PJA1: variants seen among roughly 807,000 people sequenced by gnomAD.
PJA1 encodes the protein E3 ubiquitin-protein ligase Praja-1.
PJA1 carries 5 observed loss-of-function variants against 14.1 expected under a neutral mutation model. That is an observed-to-expected ratio of 0.35 (90% CI 0.18 to 0.74). PJA1 has a LOEUF of 0.74. Among genes scored for constraint, PJA1 ranks in the 30% least tolerant of loss-of-function variants. PJA1 has a pLI of 0.56. For missense variants in PJA1, 394 were observed against 482.6 expected, an observed-to-expected ratio of 0.82 and a Z score of 1.72; for synonymous variants, 174 against 190.9, an observed-to-expected ratio of 0.91 and a Z score of 0.73.
In PJA1 at chrX:69,161,518, A is replaced by G. The variant is rs746327146; in HGVS notation, c.1556T>C (p.Ile519Thr). Residue 519 changes from isoleucine (I) to threonine (T), a missense_variant, in exon 2 of 2, where the codon ATT becomes ACT. Physicochemically the swap from Ile to Thr is moderately conservative, Grantham distance 89 (BLOSUM62 -1). Around this residue, in one of 2 missense-constraint regions of PJA1, gnomAD observed 378 missense variants for 439.3 expected, o/e 0.86. Coordinates refer to ENST00000374571, the MANE Select transcript of PJA1 (RefSeq NM_001032396.4). ...GACCAGGATCTCGGGAAGAGCGTCAATGCTCTCCTTGCTTGCTGGTGGATT... is the reference window on the plus strand; with the variant it reads ...GACCAGGATCTCGGGAAGAGCGTCAGTGCTCTCCTTGCTTGCTGGTGGATT... ...VANPPASKESIDALPEILVTE... is the reference protein window; with the variant it reads ...VANPPASKESTDALPEILVTE... 116 of 1,209,040 alleles carry G rather than the reference A, an allele frequency of 9.6e-5. No homozygotes were observed. The highest frequency in any genetic ancestry group is 3.5e-4 in the South Asian group (20 of 56,718).
At chrX:69,163,440 G>T in intron 1 of PJA1, 1 of 420,496 alleles carries the variant, frequency 2.4e-6, no homozygotes, top group Non-Finnish European at 4.1e-6. Flanking sequence ...GCCTGGAGTA[G>T]CATTCCAGTG....
At position 69,161,267 on chromosome X, in the gene PJA1, T is replaced by TG. The variant is rs1192739926; in HGVS notation, c.*39dup. On this transcript the variant is annotated 3_prime_UTR_variant, in exon 2 of 2. Coordinates refer to ENST00000374571, the MANE Select transcript of PJA1 (RefSeq NM_001032396.4). ...CTCCTGCAGTATTGTGGATTTCAGATGGGGAAAATAATCAGACCAGGAGTA... is the reference window on the plus strand; with the variant it reads ...CTCCTGCAGTATTGTGGATTTCAGATGGGGGAAAATAATCAGACCAGGAGTA... 9.9e-6 allele frequency: 11 copies of TG among 1,114,278 alleles called. No homozygotes were observed. The highest frequency in any genetic ancestry group is 1.2e-5 in the Non-Finnish European group (10 of 848,136). The allele number at this position is 1,114,278 out of a possible 1,213,427, so 91.8% of individuals were successfully genotyped here. A position where few individuals can be genotyped will look rare whatever the true frequency, so the allele number is the denominator to read the frequency against.
intron 1 of PJA1, among the ~76,000 whole-genome samples, chrX:69,164,639 C>T (rs891309090): frequency 2.0e-5 from 2 of 101,086 alleles, no homozygotes; most frequent in Non-Finnish European, 4.0e-5. Context: ...CGTGTGCCTG[C>T]GCATGCGCGG....
intron 1 of PJA1, chrX:69,163,449 T>C (rs1383836389): frequency 2.4e-6 from 1 of 418,975 alleles, no homozygotes; most frequent in Non-Finnish European, 4.2e-6. Flanking sequence ...AGCATTCCAG[T>C]GACTGTCAGG....
intron 1 of PJA1, among the ~76,000 whole-genome samples, chrX:69,164,277 G>A (rs1925185558): frequency 9.2e-6 from 1 of 109,170 alleles, no homozygotes; most frequent in Admixed American, 9.7e-5. Context: ...GGATTTATGT[G>A]AGTGCGAGTG....
At chrX:69,165,161 C>T (rs1199574927) in intron 1 of PJA1, among the ~76,000 whole-genome samples, 3 of 111,390 alleles carry the variant, frequency 2.7e-5, no homozygotes, top group Non-Finnish European at 5.7e-5. Flanking sequence ...GAAGATGTGG[C>T]CCCAGAACAG....
Position 69,161,411 on chromosome X carries a change from C to T in PJA1, c.1663G>A (p.Glu555Lys). Reference sequence around the variant, plus strand: ...TGGAAATAGTGGTGGCACGGCAGCTCAGTTGCCACCTCCCCCTTCACATAT... The same window carrying T: ...TGGAAATAGTGGTGGCACGGCAGCTTAGTTGCCACCTCCCCCTTCACATAT... ...SEYVKGEVAT[E>K]LPCHHYFHKP... The change falls in exon 2 of 2, where the codon GAG becomes AAG. Residue 555 changes from glutamate (E) to lysine (K), a missense_variant. This residue lies in a region of PJA1 where 16 missense variants were observed against 43.3 expected (regional missense o/e 0.37). Coordinates refer to ENST00000374571, the MANE Select transcript of PJA1 (RefSeq NM_001032396.4). The T allele has an allele frequency of 8.3e-7, 1 of 1,211,176 alleles. No individual in the cohort carries two copies. The highest frequency in any genetic ancestry group is 1.1e-6 in the Non-Finnish European group (1 of 895,136).
intron 1 of PJA1, among the ~76,000 whole-genome samples, chrX:69,164,768 A>C: frequency 9.4e-6 from 1 of 106,132 alleles, no homozygotes; most frequent in East Asian, 3.1e-4. Flanking sequence ...GGGGGACGCA[A>C]TGTCATAAAA....
intron 1 of PJA1, chrX:69,163,385 A>G: frequency 1.7e-6 from 1 of 593,082 alleles, no homozygotes; most frequent in Non-Finnish European, 2.6e-6. Flanking sequence ...GGCAGGTAAC[A>G]GAAAGAATAA....
intron 1 of PJA1, among the ~76,000 whole-genome samples, chrX:69,165,033 G>C (rs1232066673): frequency 8.9e-6 from 1 of 111,860 alleles, no homozygotes; most frequent in Admixed American, 9.4e-5. Context: ...GAAGAAGGAA[G>C]GAGAGGGGAG....
rs1925118247 is a variant in PJA1 at position 69,162,919 on chromosome X, G to A, written c.155C>T (p.Ser52Leu). The A allele has an allele frequency of 6.6e-6, 8 of 1,211,114 alleles. No individual in the cohort carries two copies. Among genetic ancestry groups the A allele is most frequent in the African/African-American group, 1.7e-5 (1 of 57,558 alleles). Residue 52 changes from serine (S) to leucine (L), a missense_variant, in exon 2 of 2, where the codon TCG becomes TTG. Transcript: ENST00000374571. ...SRYPPREYRASGSRRGMAYGH... is the reference protein window; with the variant it reads ...SRYPPREYRALGSRRGMAYGH... ...ATAGGCCATTCCTCTTCTGCTACCCGAAGCTCTGTACTCTCTTGGCGGATA... is the reference window on the plus strand; with the variant it reads ...ATAGGCCATTCCTCTTCTGCTACCCAAAGCTCTGTACTCTCTTGGCGGATA...
At chrX:69,164,659 A>C (rs749360536) in intron 1 of PJA1, among the ~76,000 whole-genome samples, 13 of 95,638 alleles carry the variant, frequency 1.4e-4, no homozygotes, top group African/African-American at 4.6e-4. Flanking sequence ...GGGGAGGGGA[A>C]GCACTGGAAC....
At position 69,161,224 on chromosome X, in the gene PJA1, T is replaced by C; in HGVS notation, c.*83A>G. On this transcript the variant is annotated 3_prime_UTR_variant, in exon 2 of 2. Coordinates refer to ENST00000374571, the MANE Select transcript of PJA1 (RefSeq NM_001032396.4). The stretch of plus-strand genomic sequence containing the variant: ...AACTGACTGATTGGTTTTATTTCCA[T>C]TGTTAATTTCAAGAGGGCTCCTGCA... 1.9e-6 allele frequency: 2 copies of C among 1,077,034 alleles called. No individual in the cohort carries two copies. Among genetic ancestry groups the C allele is most frequent in the South Asian group, 5.0e-5 (2 of 39,635 alleles). 88.8% of individuals were successfully genotyped at this position (1,077,034 alleles called of 1,213,427 possible). A position where few individuals can be genotyped will look rare whatever the true frequency, so the allele number is the denominator to read the frequency against.
chrX:69,164,365 G>C (rs931035761), intron 1 of PJA1, among the ~76,000 whole-genome samples: 2 of 110,088 alleles, frequency 1.8e-5, no homozygotes, highest in Non-Finnish European at 3.8e-5. Flanking sequence ...GAGCATTTGA[G>C]AAGGGGGTAT....
intron 1 of PJA1, among the ~76,000 whole-genome samples, chrX:69,164,307 C>A (rs750384843): frequency 9.2e-6 from 1 of 108,831 alleles, no homozygotes; most frequent in Non-Finnish European, 1.9e-5. Flanking sequence ...CAGGGACCAG[C>A]AAAAGAGAGC....
chrX:69,163,931 G>A (rs1925166464), intron 1 of PJA1, among the ~76,000 whole-genome samples: 1 of 110,723 alleles, frequency 9.0e-6, no homozygotes, highest in Non-Finnish European at 1.9e-5. Flanking sequence ...ATGAGGAAAG[G>A]GAAGGTGTTT....
In PJA1 at chrX:69,161,513, C is replaced by T. The variant is rs200830501; in HGVS notation, c.1561G>A (p.Ala521Thr). The change falls in exon 2 of 2, where the codon GCT becomes ACT. Residue 521 changes from alanine to threonine, a missense_variant. By Grantham distance (58) the Ala-to-Thr change is moderately conservative. Around this residue, in one of 2 missense-constraint regions of PJA1, gnomAD observed 378 missense variants for 439.3 expected, o/e 0.86. Coordinates refer to ENST00000374571, the MANE Select transcript of PJA1 (RefSeq NM_001032396.4). ...NPPASKESID[A>T]LPEILVTEDH... is the part of the protein sequence containing the mutation. ...TCAGTGACCAGGATCTCGGGAAGAG[C>T]GTCAATGCTCTCCTTGCTTGCTGGT... 406 of 1,209,964 alleles carry T rather than the reference C, an allele frequency of 3.4e-4. No individual in the cohort carries two copies. Among genetic ancestry groups the T allele is most frequent in the Non-Finnish European group, 4.2e-4 (375 of 895,259 alleles).
At chrX:69,164,586 GGAGGGTGT>G (rs1201868034) in intron 1 of PJA1, among the ~76,000 whole-genome samples, 1 of 107,934 alleles carries the variant, frequency 9.3e-6, no homozygotes, top group African/African-American at 3.4e-5. Context: ...GGAAGGCATG[GGAGGGTGT>G]GAGGGTGTGA....
chrX:69,163,692 T>G, intron 1 of PJA1: 1 of 135,699 alleles, frequency 7.4e-6, no homozygotes, highest in Non-Finnish European at 1.6e-5. Context: ...GAAATGCAAA[T>G]TGGAATAGAG....
Sources: gnomAD v4.1 joint callset for allele counts (sites outside exome capture counted in the v4.1 genomes callset) on GRCh38, gnomAD v4.1.1 for gene constraint, gnomAD v4.1.1 regional missense constraint, MANE v1.5 for transcripts, NCBI Gene and HGNC (gene_info 2026-07-23, HGNC 2026-07-21) for gene names.